The following LANCL2 variants were observed in gnomAD, a reference collection of about 807,000 sequenced individuals.
The protein encoded by LANCL2 is lanC-like protein 2.
Under a neutral mutation model 56.9 loss-of-function variants are expected in LANCL2, and 33 were observed. The observed-to-expected ratio is 0.58, with a 90% confidence interval of 0.44 to 0.78. The LOEUF (loss-of-function observed/expected upper bound fraction) is 0.78, where lower values mean the gene tolerates loss of function less well. LANCL2 is among the 30% of genes least tolerant of loss of function. The pLI is 0.00. For synonymous variants in LANCL2, 233 were observed against 228.2 expected (o/e 1.02, Z -0.19); for missense variants, 562 against 580.2 (o/e 0.97, Z 0.32).
chr7:55,389,533 C>T lies in LANCL2; in HGVS notation c.205-2260C>T, dbSNP rs181714860. On this transcript the variant is annotated intron_variant, in intron 1 of 8. Transcript: ENST00000254770. ...ATGTCCCATAAAATAGCTCTTAGGGCGAGCAGGTAAAGAGGGTGTTCAGTT... is the reference window on the plus strand; with the variant it reads ...ATGTCCCATAAAATAGCTCTTAGGGTGAGCAGGTAAAGAGGGTGTTCAGTT... Among the ~76,000 whole-genome samples the T allele has an allele frequency of 5.3e-5, 8 of 152,264 alleles. No individual in the cohort carries two copies. In the East Asian group the frequency reaches 1.2e-3, roughly 22 times the overall value.
chr7:55,386,643 T>G (rs1002144145), intron 1 of LANCL2, among the ~76,000 whole-genome samples: 25 of 152,316 alleles, frequency 1.6e-4, no homozygotes, highest in African/African-American at 5.5e-4. Flanking sequence ...CGGCTTTTTT[T>G]TGCTTCCCAC....
At chr7:55,388,310 C>T (rs758851699) in intron 1 of LANCL2, among the ~76,000 whole-genome samples, 4 of 152,134 alleles carry the variant, frequency 2.6e-5, no homozygotes, top group Admixed American at 6.5e-5. Flanking sequence ...CTTTGGGAGG[C>T]GGAGGCAGGT....
rs1163941903 is a variant in LANCL2 at position 55,366,390 on chromosome 7, T to G, written c.204+161T>G. On this transcript the variant is annotated intron_variant, in intron 1 of 8. Transcript: ENST00000254770. ...TCCGGGCCTTCCCGATGAGCCGCGC[T>G]TAGGGTCCGTGGGCTTCAGCTGCAT... Among the ~76,000 whole-genome samples, 3 of 152,244 alleles carry G rather than the reference T, an allele frequency of 2.0e-5. No homozygotes were observed. In the East Asian group the frequency reaches 5.8e-4, roughly 29 times the overall value.
At chr7:55,421,456 A>G (rs1302297339) in intron 6 of LANCL2, among the ~76,000 whole-genome samples, 3 of 150,198 alleles carry the variant, frequency 2.0e-5, no homozygotes, top group Admixed American at 6.7e-5. Flanking sequence ...CTCCTGCCTC[A>G]GCCTCCTGAG....
intron 7 of LANCL2, among the ~76,000 whole-genome samples, chr7:55,426,908 C>T (rs547864282): frequency 2.4e-4 from 36 of 152,064 alleles, no homozygotes; most frequent in Non-Finnish European, 7.4e-5. Context: ...ATGGGCAATG[C>T]GAGAAGACCG....
chr7:55,369,583 T>TTAG (rs1408074397), intron 1 of LANCL2, among the ~76,000 whole-genome samples: 1 of 152,224 alleles, frequency 6.6e-6, no homozygotes, highest in Non-Finnish European at 1.5e-5. Flanking sequence ...GCAGACACTC[T>TTAG]TAGTTACTCA....
rs541730437 is a variant in LANCL2, at chr7:55,429,882, T to G, written c.1259-1344T>G. On this transcript the variant is annotated intron_variant, in intron 8 of 8. Transcript: ENST00000254770. ...TGGCAGACAGAACTGTGGGGGACTC[T>G]CACCAAATTCCCGTCAGGGGACGGA... is the stretch of plus-strand genomic sequence containing the variant. 1.8e-4 allele frequency among the ~76,000 whole-genome samples: 27 copies of G among 152,388 alleles called. No homozygotes were observed. The South Asian group carries it at 5.6e-3, about 32-fold the overall frequency.
intron 1 of LANCL2, among the ~76,000 whole-genome samples, chr7:55,372,846 A>G (rs1789959397): frequency 6.6e-6 from 1 of 152,186 alleles, no homozygotes; most frequent in Non-Finnish European, 1.5e-5. Context: ...GATGTACAAT[A>G]TTTATATGGC....
At chr7:55,392,292 G>GA (rs1790200451) in intron 2 of LANCL2, among the ~76,000 whole-genome samples, 1 of 150,244 alleles carries the variant, frequency 6.7e-6, no homozygotes, top group South Asian at 2.1e-4. Context: ...GACTCCATCT[G>GA]AAAAAAATAA....
intron 2 of LANCL2, among the ~76,000 whole-genome samples, chr7:55,396,545 C>T (rs911628582): frequency 3.3e-5 from 5 of 152,222 alleles, no homozygotes; most frequent in Non-Finnish European, 7.3e-5. Flanking sequence ...GGCACTGGTG[C>T]AGTTCACAGT....
chr7:55,411,853 A>C (rs769650532), intron 5 of LANCL2, 54 bp from the exon 6 acceptor site: 1 of 1,524,560 alleles, frequency 6.6e-7, no homozygotes, highest in Non-Finnish European at 9.0e-7. Flanking sequence ...GATACAATGT[A>C]AAAGAAATAA....
intron 2 of LANCL2, among the ~76,000 whole-genome samples, chr7:55,393,576 T>C (rs1790216610): frequency 6.6e-6 from 1 of 151,914 alleles, no homozygotes; most frequent in Non-Finnish European, 1.5e-5. Context: ...AAAAACAGCA[T>C]AGACAGAGAT....
chr7:55,377,583 A>G (rs1215011404), intron 1 of LANCL2, among the ~76,000 whole-genome samples: 1 of 152,210 alleles, frequency 6.6e-6, no homozygotes, highest in African/African-American at 2.4e-5. Flanking sequence ...AGAGAAATAA[A>G]TCTTGCCATA....
chr7:55,403,463 G>T (rs1392631871), intron 5 of LANCL2, among the ~76,000 whole-genome samples: 1 of 152,070 alleles, frequency 6.6e-6, no homozygotes. Context: ...GGGAGAGGAG[G>T]GAGAGGGAGA....
chr7:55,432,287 GAA>G lies in LANCL2; in HGVS notation c.*969_*970del, dbSNP rs1790738538. On this transcript the variant is annotated 3_prime_UTR_variant, in exon 9 of 9. Coordinates refer to ENST00000254770, the MANE Select transcript of LANCL2 (RefSeq NM_018697.4). ...CAATTAAACTTACTTCAACCTTTTGGAAAGTTATCAAAATCTAAATTTGGAAT... is the reference window on the plus strand; with the variant it reads ...CAATTAAACTTACTTCAACCTTTTGGAGTTATCAAAATCTAAATTTGGAAT... The G allele has an allele frequency of 6.6e-6, 1 of 152,164 alleles. No individual in the cohort carries two copies. Among genetic ancestry groups the G allele is most frequent in the Non-Finnish European group, 1.5e-5 (1 of 68,036 alleles). The allele number at this position is 152,164 out of a possible 1,614,324, so 9.4% of individuals were successfully genotyped here.
At chr7:55,412,264 C>A (rs955892134) in intron 6 of LANCL2, among the ~76,000 whole-genome samples, 175 bp downstream of exon 6, 1 of 152,140 alleles carries the variant, frequency 6.6e-6, no homozygotes, top group South Asian at 2.1e-4. Flanking sequence ...GTCATTAGTG[C>A]TGCAAGTCTG....
At chr7:55,396,414 C>T (rs559819124) in intron 2 of LANCL2, among the ~76,000 whole-genome samples, 13 of 152,250 alleles carry the variant, frequency 8.5e-5, no homozygotes, top group African/African-American at 3.1e-4. Flanking sequence ...GCAGCCCCGC[C>T]TACCCGGAGC....
chr7:55,412,820 C>G (rs1447326651), intron 6 of LANCL2, among the ~76,000 whole-genome samples: 1 of 152,186 alleles, frequency 6.6e-6, no homozygotes, highest in East Asian at 1.9e-4. Context: ...AATGATTGCT[C>G]TGTTCAACAC....
In LANCL2 at chr7:55,365,947, C is replaced by A; in HGVS notation, c.-79C>A. The stretch of plus-strand genomic sequence containing the variant: ...AGAGGACGCTCTCTGCGCGGGCCCT[C>A]GGAGGAGGCGGCGGCGGGGCGAGCT... On this transcript the variant is annotated 5_prime_UTR_variant, in exon 1 of 9. Transcript: ENST00000254770. The A allele has an allele frequency of 2.5e-6, 3 of 1,191,166 alleles. No homozygotes were observed. Among genetic ancestry groups the A allele is most frequent in the Middle Eastern group, 2.4e-4 (1 of 4,200 alleles). The allele number at this position is 1,191,166 out of a possible 1,614,324, so 73.8% of individuals were successfully genotyped here.
Sources: gnomAD v4.1 joint callset for allele counts (sites outside exome capture counted in the v4.1 genomes callset) on GRCh38, gnomAD v4.1.1 for gene constraint, MANE v1.5 for transcripts, NCBI Gene and HGNC (gene_info 2026-07-23, HGNC 2026-07-21) for gene names.